The following RNF180 variants were observed in gnomAD, a reference collection of about 807,000 sequenced individuals.
RNF180 encodes the protein E3 ubiquitin-protein ligase RNF180.
Under a neutral mutation model 59.2 loss-of-function variants are expected in RNF180, and 38 were observed. The observed-to-expected ratio is 0.64, with a 90% CI of 0.50 to 0.84. RNF180 has a LOEUF of 0.84. RNF180 is among the 40% of genes least tolerant of loss of function. The pLI is 0.00. For synonymous variants in RNF180, 262 were observed against 240.3 expected, an observed-to-expected ratio of 1.09 and a Z score of -0.84; for missense variants, 705 against 700.9, an observed-to-expected ratio of 1.01 and a Z score of -0.07.
intron 5 of RNF180, among the ~76,000 whole-genome samples, chr5:64,310,085 A>G (rs796278326): frequency 6.6e-6 from 1 of 151,776 alleles, no homozygotes; most frequent in Admixed American, 6.6e-5. Context: ...TTACCCTCAT[A>G]TCAAAAAACT....
intron 7 of RNF180, among the ~76,000 whole-genome samples, chr5:64,331,063 A>G (rs1744885260): frequency 6.6e-6 from 1 of 152,230 alleles, no homozygotes. Flanking sequence ...GTCGCAACCC[A>G]GCCAAGTGTG....
At chr5:64,328,206 TG>T (rs140609893) in intron 6 of RNF180, among the ~76,000 whole-genome samples, 3,286 of 152,220 alleles carry the variant, frequency 0.022, 119 homozygotes, top group African/African-American at 0.075. Flanking sequence ...ACCACTTTTT[TG>T]GGGGGGATTT....
chr5:64,369,630 C>T lies in RNF180; in HGVS notation c.1595C>T (p.Ala532Val). Residue 532 changes from alanine (A) to valine (V), a missense_variant, in exon 8 of 8, where the codon GCA becomes GTA. Transcript: ENST00000389100. ...FHLFGGFRRH[A>V]APVTRRQFPH... Reference sequence around the variant, plus strand: ...CATCTTCTAGGTTTCCGCAGACATGCAGCTCCAGTTACAAGAAGGCAGTTC... The same window carrying T: ...CATCTTCTAGGTTTCCGCAGACATGTAGCTCCAGTTACAAGAAGGCAGTTC... 5.3e-6 allele frequency: 8 copies of T among 1,518,762 alleles called. No individual in the cohort carries two copies. The highest frequency in any genetic ancestry group is 7.0e-6 in the Non-Finnish European group (8 of 1,135,864). The allele number at this position is 1,518,762 out of a possible 1,614,324, so 94.1% of individuals were successfully genotyped here.
intron 5 of RNF180, among the ~76,000 whole-genome samples, chr5:64,301,643 A>C (rs1305684374): frequency 6.6e-6 from 1 of 151,630 alleles, no homozygotes; most frequent in Non-Finnish European, 1.5e-5. Flanking sequence ...AATCAGTTGG[A>C]AATTAAAGCT....
chr5:64,267,675 C>T (rs1384179143), intron 5 of RNF180, among the ~76,000 whole-genome samples: 1 of 152,120 alleles, frequency 6.6e-6, no homozygotes, highest in African/African-American at 2.4e-5. Flanking sequence ...CTACAAAGGA[C>T]ATGAACTCAT....
At chr5:64,183,834 G>C (rs1027649170) in intron 1 of RNF180, among the ~76,000 whole-genome samples, 9 of 152,160 alleles carry the variant, frequency 5.9e-5, no homozygotes, top group African/African-American at 1.9e-4. Context: ...CTGAAACTCA[G>C]ACTGTGTTCT....
chr5:64,205,668 T>C (rs963780194), intron 2 of RNF180, among the ~76,000 whole-genome samples: 8 of 152,122 alleles, frequency 5.3e-5, no homozygotes. Flanking sequence ...ATATAAGTTT[T>C]AGGTGAAGCT....
intron 5 of RNF180, among the ~76,000 whole-genome samples, chr5:64,321,845 A>G (rs1473114251): frequency 1.3e-5 from 2 of 152,192 alleles, no homozygotes; most frequent in African/African-American, 4.8e-5. Flanking sequence ...GAGACCTCAG[A>G]AATAACACCA....
At chr5:64,267,207 A>G (rs975165421) in intron 5 of RNF180, among the ~76,000 whole-genome samples, 1 of 152,084 alleles carries the variant, frequency 6.6e-6, no homozygotes, top group African/African-American at 2.4e-5. Flanking sequence ...CCTGTTTTGT[A>G]CCATCAGTCT....
intron 1 of RNF180, among the ~76,000 whole-genome samples, chr5:64,190,472 G>A (rs1207818310): frequency 1.3e-5 from 2 of 152,154 alleles, no homozygotes; most frequent in Admixed American, 1.3e-4. Flanking sequence ...TGGATTTGGA[G>A]TTGATGCTAA....
intron 1 of RNF180, among the ~76,000 whole-genome samples, chr5:64,197,465 A>G (rs754603618): frequency 4.6e-5 from 7 of 152,234 alleles, no homozygotes; most frequent in South Asian, 2.1e-4. Context: ...TACAAAAGCA[A>G]TAGTGGGTAA....
intron 7 of RNF180, among the ~76,000 whole-genome samples, chr5:64,362,500 T>A (rs1356216869): frequency 6.6e-6 from 1 of 151,950 alleles, no homozygotes; most frequent in East Asian, 1.9e-4. Context: ...CTTGGGCATT[T>A]AGGTTTATTC....
chr5:64,227,996 C>T (rs995238469), intron 5 of RNF180, among the ~76,000 whole-genome samples: 1 of 152,128 alleles, frequency 6.6e-6, no homozygotes, highest in Non-Finnish European at 1.5e-5. Context: ...ATGCAAATCT[C>T]ACCTACTCCT....
chr5:64,349,174 CA>C (rs1289124190), intron 7 of RNF180, among the ~76,000 whole-genome samples: 6 of 152,128 alleles, frequency 3.9e-5, no homozygotes, highest in Non-Finnish European at 2.9e-5. Context: ...TTTCTTACAT[CA>C]AAAAAGTCCC....
chr5:64,320,993 G>T lies in RNF180; in HGVS notation c.1228-4193G>T, dbSNP rs548214397. ...GCGGAGCTTGCAGTGAGCCGAGATCGCGCCACTGCACTCTAACCTGGGGAA... is the reference window on the plus strand; with the variant it reads ...GCGGAGCTTGCAGTGAGCCGAGATCTCGCCACTGCACTCTAACCTGGGGAA... On this transcript the variant is annotated intron_variant, in intron 5 of 7. Transcript: ENST00000389100. Among the ~76,000 whole-genome samples, 43 of 152,110 alleles carry T rather than the reference G, an allele frequency of 2.8e-4. 1 individual carries two copies. In the South Asian group the frequency reaches 8.7e-3, roughly 31 times the overall value.
intron 5 of RNF180, among the ~76,000 whole-genome samples, chr5:64,281,884 C>T (rs1742029922): frequency 6.6e-6 from 1 of 152,100 alleles, no homozygotes; most frequent in Non-Finnish European, 1.5e-5. Flanking sequence ...CCTTTTAGTT[C>T]TGTTTATGTG....
intron 6 of RNF180, among the ~76,000 whole-genome samples, chr5:64,325,831 C>T (rs1177285459): frequency 6.6e-6 from 1 of 152,184 alleles, no homozygotes; most frequent in Admixed American, 6.5e-5. Context: ...TTCCCCCAAA[C>T]TCAAAATTTT....
In RNF180 at chr5:64,256,318, G is replaced by T. The variant is rs192947119; in HGVS notation, c.1227+38922G>T. On this transcript the variant is annotated intron_variant, in intron 5 of 7. Transcript: ENST00000389100. ...TGTATTGCCTAGGTTTTCTTCTTCG[G>T]TTTTTATGGTTTTAGATCTAACATT... Among the ~76,000 whole-genome samples the T allele has an allele frequency of 1.6e-3, 242 of 152,264 alleles. 7 individuals are homozygous for T. The East Asian group carries it at 0.028, about 18-fold the overall frequency.
chr5:64,364,560 G>C (rs758797146), intron 7 of RNF180, among the ~76,000 whole-genome samples: 5 of 151,654 alleles, frequency 3.3e-5, no homozygotes, highest in Non-Finnish European at 7.4e-5. Flanking sequence ...TCTCTGCAAG[G>C]CTTTGCTATC....
Sources: gnomAD v4.1 joint callset for allele counts (sites outside exome capture counted in the v4.1 genomes callset) on GRCh38, gnomAD v4.1.1 for gene constraint, MANE v1.5 for transcripts, NCBI Gene and HGNC (gene_info 2026-07-23, HGNC 2026-07-21) for gene names.